FUT8: variants seen among roughly 807,000 people sequenced by gnomAD.
The protein encoded by FUT8 is alpha-(1,6)-fucosyltransferase.
FUT8 carries 29 observed loss-of-function variants against 71.3 expected under a neutral mutation model. The ratio of observed to expected loss-of-function variants is 0.41; its 90% confidence interval spans 0.30 to 0.55. FUT8 has a LOEUF of 0.55. Among genes scored for constraint, FUT8 ranks in the 20% least tolerant of loss-of-function variants. FUT8 has a pLI of 0.34. For missense variants in FUT8, 544 were observed against 702.1 expected (o/e 0.77, Z 2.55); for synonymous variants, 254 against 239.3 (o/e 1.06, Z -0.57).
chr14:65,496,395 T>C (rs1181417345), intron 2 of FUT8, among the ~76,000 whole-genome samples: 1 of 152,120 alleles, frequency 6.6e-6, no homozygotes, highest in Non-Finnish European at 1.5e-5. Context: ...GAGTATCTGA[T>C]ATGGTTAGAC....
At chr14:65,655,976 A>G (rs1206329692) in intron 6 of FUT8, among the ~76,000 whole-genome samples, 1 of 150,300 alleles carries the variant, frequency 6.7e-6, no homozygotes, top group Admixed American at 6.7e-5. Flanking sequence ...AATAAAAGCC[A>G]TATACAACAG....
chr14:65,616,071 T>C lies in FUT8; in HGVS notation c.297T>C (p.Asn99=), dbSNP rs1156563480. ...TTAAGGCCAAAGAACAGATTGAAAA[T>C]TACAAGAAACAGACCAGAAATGGTA... ...QLVKAKEQIE[N]YKKQTRNGLG... is the part of the protein sequence containing the mutation. Residue 99 remains asparagine (N), a synonymous_variant, in exon 4 of 11, where the codon AAT becomes AAC. Transcript: ENST00000673929. The C allele has an allele frequency of 1.9e-6, 3 of 1,613,860 alleles. No individual in the cohort carries two copies. Among genetic ancestry groups the C allele is most frequent in the Non-Finnish European group, 2.5e-6 (3 of 1,179,846 alleles).
intron 2 of FUT8, among the ~76,000 whole-genome samples, chr14:65,475,123 G>A (rs754324817): frequency 3.3e-5 from 5 of 151,962 alleles, no homozygotes; most frequent in African/African-American, 1.2e-4. Flanking sequence ...ATCTTGTCTC[G>A]CTTTTTCCTC....
chr14:65,401,062 G>A, the FUT8 span, among the ~76,000 whole-genome samples: 2 of 152,168 alleles, frequency 1.3e-5, no homozygotes, highest in Admixed American at 6.5e-5. Context: ...TTGGTGAGAA[G>A]CTACATGGTG....
the FUT8 span, among the ~76,000 whole-genome samples, chr14:65,391,263 G>A: frequency 1.3e-5 from 2 of 152,234 alleles, no homozygotes; most frequent in Admixed American, 6.5e-5. Flanking sequence ...TTTACAAGAT[G>A]TTAACTTTTG....
chr14:65,601,984 T>A (rs181737614), intron 3 of FUT8, among the ~76,000 whole-genome samples: 1,836 of 151,986 alleles, frequency 0.012, 15 homozygotes, highest in Middle Eastern at 0.024. Context: ...TTTAAAAAAA[T>A]TTTTTTTATA....
intron 2 of FUT8, among the ~76,000 whole-genome samples, chr14:65,525,966 T>A (rs1205144365): frequency 6.6e-6 from 1 of 152,106 alleles, no homozygotes; most frequent in Non-Finnish European, 1.5e-5. Context: ...TTTCCTGAGG[T>A]GTGCTTTACT....
rs535116587 is a variant in FUT8 at position 65,489,796 on chromosome 14, A to G, written c.-228+34078A>G. ...GTCATGTGGGTCATAGACTTGTTTC[A>G]TAGTAAAACAGATGGCATGGCAAGG... On this transcript the variant is annotated intron_variant, in intron 2 of 10. Transcript: ENST00000673929. The surrounding 1 kb of genome is among the most constrained non-coding windows in gnomAD (Gnocchi z 4.0). 6.6e-6 allele frequency among the ~76,000 whole-genome samples: 1 copy of G among 152,120 alleles called. No homozygotes were observed. The highest frequency in any genetic ancestry group is 2.4e-5 in the African/African-American group (1 of 41,448).
intron 2 of FUT8, among the ~76,000 whole-genome samples, chr14:65,487,674 A>G (rs1350375630): frequency 1.3e-5 from 2 of 151,338 alleles, no homozygotes; most frequent in Non-Finnish European, 2.9e-5. Flanking sequence ...GCCCCCCAAA[A>G]TAGAAGGGCC....
At chr14:65,361,904 G>A in the FUT8 span, among the ~76,000 whole-genome samples, 4 of 152,188 alleles carry the variant, frequency 2.6e-5, no homozygotes, top group African/African-American at 4.8e-5. Context: ...TCCTGAAATC[G>A]CTGGGAATGT....
At chr14:65,441,683 G>A (rs113569382) in intron 1 of FUT8, among the ~76,000 whole-genome samples, 10 of 149,578 alleles carry the variant, frequency 6.7e-5, no homozygotes, top group African/African-American at 2.5e-4. Context: ...AATCCGGGAG[G>A]CAGAGGTTGC....
intron 2 of FUT8, among the ~76,000 whole-genome samples, chr14:65,466,130 C>T (rs1275846727): frequency 2.6e-5 from 4 of 152,124 alleles, no homozygotes; most frequent in African/African-American, 9.7e-5. Flanking sequence ...CATAGCCTAT[C>T]TTTCTCCATC....
rs1295485353 is a variant in FUT8, at chr14:65,467,947, T to C, written c.-228+12229T>C. 6.8e-6 allele frequency: 5 copies of C among 733,496 alleles called. No homozygotes were observed. The highest frequency in any genetic ancestry group is 1.3e-5 in the Non-Finnish European group (5 of 391,394). The allele number at this position is 733,496 out of a possible 1,614,324, so 45.4% of individuals were successfully genotyped here. On this transcript the variant is annotated intron_variant, in intron 2 of 10. Transcript: ENST00000673929. The surrounding 1 kb of genome is among the most constrained non-coding windows in gnomAD (Gnocchi z 4.1). ...CCTTTCTCTTTGGCTTCTTTCTTTT[T>C]CCGATCATTTTCCTTTACGTGTTTC...
At chr14:65,599,137 G>A (rs1888162741) in intron 3 of FUT8, among the ~76,000 whole-genome samples, 1 of 152,128 alleles carries the variant, frequency 6.6e-6, no homozygotes, top group African/African-American at 2.4e-5. Flanking sequence ...ATTTCTGCCT[G>A]AGCCTTGTTT....
chr14:65,620,668 A>T (rs1221733464), intron 5 of FUT8, among the ~76,000 whole-genome samples: 2 of 152,220 alleles, frequency 1.3e-5, no homozygotes, highest in Admixed American at 1.3e-4. Context: ...TTTCATATAC[A>T]CAAAAACAGA....
Position 65,550,337 on chromosome 14 carries a change from A to G in FUT8, c.-227-11000A>G, listed in dbSNP as rs759569895. The stretch of plus-strand genomic sequence containing the variant: ...GAGTCGCAATATGTTTAATACACCT[A>G]ATCTGAACATCATAGCTTAGCCTAC... On this transcript the variant is annotated intron_variant, in intron 2 of 10. Coordinates refer to ENST00000673929, the MANE Select transcript of FUT8 (RefSeq NM_001371533.1). The surrounding 1 kb of genome is among the most constrained non-coding windows in gnomAD (Gnocchi z 4.5). Among the ~76,000 whole-genome samples the G allele has an allele frequency of 6.6e-6, 1 of 152,188 alleles. No individual in the cohort carries two copies. The highest frequency in any genetic ancestry group is 6.5e-5 in the Admixed American group (1 of 15,278).
At chr14:65,480,781 G>A (rs2066319149) in intron 2 of FUT8, among the ~76,000 whole-genome samples, 1 of 152,012 alleles carries the variant, frequency 6.6e-6, no homozygotes, top group South Asian at 2.1e-4. Flanking sequence ...CTGCCTTCTG[G>A]GTTCAAATGA....
At chr14:65,636,508 C>T (rs1043055013) in intron 6 of FUT8, 1 of 152,132 alleles carries the variant, frequency 6.6e-6, no homozygotes, top group Admixed American at 6.5e-5. Flanking sequence ...CTTAGCACCA[C>T]CTTTGCCATA....
intron 3 of FUT8, among the ~76,000 whole-genome samples, chr14:65,593,701 C>T (rs1217062464): frequency 2.6e-5 from 4 of 152,132 alleles, no homozygotes; most frequent in East Asian, 1.9e-4. Flanking sequence ...TCAGCCTTCC[C>T]GAGTAGCTGG....
Sources: gnomAD v4.1 joint callset for allele counts (sites outside exome capture counted in the v4.1 genomes callset) on GRCh38, gnomAD v4.1.1 for gene constraint, Gnocchi (gnomAD v3.1) non-coding constraint, MANE v1.5 for transcripts, NCBI Gene and HGNC (gene_info 2026-07-23, HGNC 2026-07-21) for gene names.